The following QRICH1 variants were observed in gnomAD, a reference collection of about 807,000 sequenced individuals.
The protein encoded by QRICH1 is transcriptional regulator QRICH1.
In QRICH1, 16 loss-of-function variants were observed where a neutral mutation model predicts 87.1. That is an observed-to-expected ratio of 0.18 (90% CI 0.12 to 0.28). The LOEUF is 0.28. Ranked by LOEUF, QRICH1 falls within the 10% of genes least tolerant of loss-of-function variation. The pLI, the probability that QRICH1 is intolerant of heterozygous loss-of-function variation, is 1.00. For missense variants in QRICH1, 647 were observed against 951.7 expected, an observed-to-expected ratio of 0.68 and a Z score of 4.21; for synonymous variants, 367 against 368.4, an observed-to-expected ratio of 1.00 and a Z score of 0.05.
chr3:49,056,614 A>T, intron 3 of QRICH1: 2 of 662,550 alleles, frequency 3.0e-6, no homozygotes, highest in Non-Finnish European at 5.1e-6. Flanking sequence ...TGGTACTTAA[A>T]CCCAAAATGT....
intron 2 of QRICH1, among the ~76,000 whole-genome samples, chr3:49,073,501 C>T (rs1418039200): frequency 1.3e-5 from 2 of 150,568 alleles, no homozygotes; most frequent in Admixed American, 6.6e-5. Flanking sequence ...GATCACGCCA[C>T]TGCTCTCCAG....
chr3:49,092,595 CCT>C (rs1219900050), intron 1 of QRICH1: 1 of 152,080 alleles, frequency 6.6e-6, no homozygotes, highest in Non-Finnish European at 1.5e-5. Context: ...AATTTTACTT[CCT>C]CTTAGCTTCC....
intron 6 of QRICH1, 127 bp downstream of exon 6, chr3:49,044,263 C>A (rs2093327243): frequency 1.3e-6 from 1 of 742,604 alleles, no homozygotes; most frequent in Non-Finnish European, 2.3e-6. Flanking sequence ...GCACAGTGGC[C>A]AATGCTGCTG....
intron 2 of QRICH1, among the ~76,000 whole-genome samples, chr3:49,064,015 T>C (rs777909044): frequency 6.6e-6 from 1 of 152,046 alleles, no homozygotes; most frequent in Non-Finnish European, 1.5e-5. Context: ...CAAGCGATTC[T>C]CTTGCCTCAG....
Position 49,084,827 on chromosome 3 carries a change from A to T in QRICH1, c.-21-7789T>A, listed in dbSNP as rs185722249. ...AGATGATGGAACCACAGAGTAATTAAGTTTCTTCTGTTAAACACTCTTCTG... is the reference window on the plus strand; with the variant it reads ...AGATGATGGAACCACAGAGTAATTATGTTTCTTCTGTTAAACACTCTTCTG... On this transcript the variant is annotated intron_variant, in intron 1 of 9. Coordinates refer to ENST00000395443, the MANE Select transcript of QRICH1 (RefSeq NM_198880.3). Among the ~76,000 whole-genome samples, 395 of 152,250 alleles carry T rather than the reference A, an allele frequency of 2.6e-3. 1 individual carries two copies. The highest frequency in any genetic ancestry group is 9.1e-3 in the African/African-American group (377 of 41,576).
chr3:49,042,075 T>TG (rs2093313686), intron 6 of QRICH1, among the ~76,000 whole-genome samples: 1 of 142,466 alleles, frequency 7.0e-6, no homozygotes, highest in African/African-American at 2.6e-5. Context: ...GCCCAGACTG[T>TG]GTTTTTTTTT....
chr3:49,055,702 T>C (rs2093397919), intron 3 of QRICH1, among the ~76,000 whole-genome samples: 1 of 152,158 alleles, frequency 6.6e-6, no homozygotes, highest in Admixed American at 6.6e-5. Context: ...GACAAAGTCT[T>C]GCTATGTTGC....
At chr3:49,050,248 C>CAAAAAAAAAAAAAAAAAAAAAAAAAAAAA (rs527597101) in intron 3 of QRICH1, among the ~76,000 whole-genome samples, 3 of 52,414 alleles carry the variant, frequency 5.7e-5, no homozygotes, top group Admixed American at 2.3e-4. Flanking sequence ...GACTCCGTCT[C>CAAAAAAAAAAAAAAAAAAAAAAAAAAAAA]AAAAAAAAAA....
intron 2 of QRICH1, 29 bp downstream of exon 2, chr3:49,076,680 C>A (rs370135866): frequency 1.1e-4 from 161 of 1,469,982 alleles, no homozygotes; most frequent in Middle Eastern, 2.3e-4. Context: ...GTACATTAAA[C>A]AGGCTGCACC....
chr3:49,080,004 G>T (rs568329182), intron 1 of QRICH1, among the ~76,000 whole-genome samples: 3 of 150,530 alleles, frequency 2.0e-5, no homozygotes, highest in Admixed American at 1.3e-4. Context: ...GCTCCAGCCT[G>T]GGCGCCAGAC....
chr3:49,088,381 G>A (rs1449635692), intron 1 of QRICH1, among the ~76,000 whole-genome samples: 1 of 151,876 alleles, frequency 6.6e-6, no homozygotes, highest in African/African-American at 2.4e-5. Context: ...TGCAACCTCC[G>A]TTTCCCAGGT....
chr3:49,043,915 G>C (rs1002683929), intron 6 of QRICH1, among the ~76,000 whole-genome samples: 5 of 152,182 alleles, frequency 3.3e-5, no homozygotes, highest in African/African-American at 1.2e-4. Context: ...TGAGGTAGGA[G>C]GATCGCTTGA....
At chr3:49,065,982 T>C (rs1399574050) in intron 2 of QRICH1, among the ~76,000 whole-genome samples, 1 of 152,076 alleles carries the variant, frequency 6.6e-6, no homozygotes, top group Non-Finnish European at 1.5e-5. Context: ...TCTCTTGAAC[T>C]ACCATTTGTG....
intron 3 of QRICH1, among the ~76,000 whole-genome samples, chr3:49,053,278 GGAGATC>G (rs1248446381): frequency 6.6e-6 from 1 of 152,040 alleles, no homozygotes; most frequent in African/African-American, 2.4e-5. Flanking sequence ...CACGAGGTCA[GGAGATC>G]GAGACCATCC....
chr3:49,076,595 T>A (rs1472465833), intron 2 of QRICH1, 114 bp downstream of exon 2: 7 of 1,039,494 alleles, frequency 6.7e-6, no homozygotes, highest in Non-Finnish European at 9.1e-6. Flanking sequence ...ACTTTGAAAA[T>A]CTTAGTGTTA....
intron 5 of QRICH1, 78 bp downstream of exon 5, chr3:49,046,347 A>G: frequency 1.4e-6 from 2 of 1,411,374 alleles, no homozygotes; most frequent in Non-Finnish European, 1.9e-6. Context: ...CTTCTTGCTT[A>G]TCAATTTATT....
chr3:49,063,043 T>C (rs1253017350), intron 2 of QRICH1, among the ~76,000 whole-genome samples: 1 of 151,782 alleles, frequency 6.6e-6, no homozygotes, highest in African/African-American at 2.4e-5. Context: ...GACTTCAATG[T>C]GAATTGATGC....
At position 49,047,050 on chromosome 3, in the gene QRICH1, C is replaced by T; in HGVS notation, c.1516+19G>A. On this transcript the variant is annotated intron_variant, in intron 4 of 9. Transcript: ENST00000395443. ...CATTGCATTTTAGACACAGCCCACT[C>T]TTCTTCCAAGACACTCACTCCCAAT... 1 of 1,599,574 alleles carries T rather than the reference C, an allele frequency of 6.3e-7. No individual in the cohort carries two copies. Among genetic ancestry groups the T allele is most frequent in the Non-Finnish European group, 8.5e-7 (1 of 1,169,830 alleles).
At chr3:49,054,801 C>T (rs1443176328) in intron 3 of QRICH1, among the ~76,000 whole-genome samples, 1 of 152,010 alleles carries the variant, frequency 6.6e-6, no homozygotes, top group African/African-American at 2.4e-5. Context: ...ACTTGGGAGG[C>T]TGAGGCGGGA....
Sources: gnomAD v4.1 joint callset for allele counts (sites outside exome capture counted in the v4.1 genomes callset) on GRCh38, gnomAD v4.1.1 for gene constraint, MANE v1.5 for transcripts, NCBI Gene and HGNC (gene_info 2026-07-23, HGNC 2026-07-21) for gene names.